Variants in ASTN2 observed in about 807,000 individuals in gnomAD.
ASTN2 encodes astrotactin 2.
A neutral mutation model predicts 139.8 loss-of-function variants in ASTN2; 54 were observed. That is an observed-to-expected ratio of 0.39 (90% CI 0.31 to 0.48). The LOEUF is 0.48. ASTN2 is among the 20% of genes least tolerant of loss of function. The probability of loss-of-function intolerance (pLI) is 0.95; values close to 1 mark genes in which losing one functional copy is unlikely to be tolerated. For synonymous variants in ASTN2, 756 were observed against 719.5 expected (o/e 1.05, Z -0.81); for missense variants, 1,565 against 1,725.1 (o/e 0.91, Z 1.64).
At chr9:116,794,127 C>T (rs1193015842) in intron 13 of ASTN2, among the ~76,000 whole-genome samples, 6 of 113,546 alleles carry the variant, frequency 5.3e-5, no homozygotes, top group East Asian at 3.1e-4. Flanking sequence ...GATGGGGTTT[C>T]ACTCTTGTTG....
At chr9:116,712,345 A>T (rs1293990298) in intron 16 of ASTN2, among the ~76,000 whole-genome samples, 1 of 152,192 alleles carries the variant, frequency 6.6e-6, no homozygotes, top group African/African-American at 2.4e-5. Flanking sequence ...TCTAGCATTT[A>T]CATATTTCAT....
chr9:117,164,840 T>C (rs1382679940), intron 3 of ASTN2, among the ~76,000 whole-genome samples: 2 of 152,124 alleles, frequency 1.3e-5, no homozygotes, highest in African/African-American at 4.8e-5. Flanking sequence ...CAAATGGTGA[T>C]AGCCAAGTTG....
At chr9:116,952,440 G>A (rs1217105913) in intron 10 of ASTN2, among the ~76,000 whole-genome samples, 1 of 152,126 alleles carries the variant, frequency 6.6e-6, no homozygotes, top group Non-Finnish European at 1.5e-5. Flanking sequence ...AAGAAGAAAT[G>A]GCCTCCAGGA....
chr9:117,203,844 G>A (rs183815588), intron 3 of ASTN2, among the ~76,000 whole-genome samples: 1 of 152,326 alleles, frequency 6.6e-6, no homozygotes, highest in East Asian at 1.9e-4. Context: ...GGATGGCATG[G>A]AGAGAAGGGC....
intron 1 of ASTN2, among the ~76,000 whole-genome samples, chr9:117,379,955 A>G (rs1017597503): frequency 1.3e-5 from 2 of 152,184 alleles, no homozygotes; most frequent in African/African-American, 2.4e-5. Flanking sequence ...TACAAAGATC[A>G]ATCTGACAAC....
intron 11 of ASTN2, among the ~76,000 whole-genome samples, chr9:116,856,354 G>T (rs1429585764): frequency 6.6e-6 from 1 of 152,186 alleles, no homozygotes; most frequent in Non-Finnish European, 1.5e-5. Context: ...CAGCTGCACC[G>T]TGTAGGAGGG....
At chr9:116,525,146 C>G (rs780645297) in intron 19 of ASTN2, among the ~76,000 whole-genome samples, 1 of 152,190 alleles carries the variant, frequency 6.6e-6, no homozygotes, top group African/African-American at 2.4e-5. Flanking sequence ...TTATTGGGAA[C>G]TGGAGCAAAG....
In ASTN2 at chr9:117,195,540, G is replaced by C. The variant is rs549332600; in HGVS notation, c.1015+18818C>G. On this transcript the variant is annotated intron_variant, in intron 3 of 22. Coordinates refer to ENST00000313400, the MANE Select transcript of ASTN2 (RefSeq NM_001365068.1). ...GATGAGGTAATTGTGGGGATGTCAGGAAGATTGATGTGGCTTGAAGAGGAA... is the reference window on the plus strand; with the variant it reads ...GATGAGGTAATTGTGGGGATGTCAGCAAGATTGATGTGGCTTGAAGAGGAA... Among the ~76,000 whole-genome samples the C allele has an allele frequency of 1.2e-4, 18 of 152,206 alleles. No individual in the cohort carries two copies. In the East Asian group the frequency reaches 3.3e-3, roughly 28 times the overall value.
rs953225513 is a variant in ASTN2 at position 116,482,365 on chromosome 9, T to C, written c.3497+4994A>G. Among the ~76,000 whole-genome samples the C allele has an allele frequency of 3.3e-5, 5 of 152,034 alleles. No homozygotes were observed. In the South Asian group the frequency reaches 1.0e-3, roughly 32 times the overall value. ...CAAAACAAAAAAACACTACCCTATC[T>C]CTAGGTTTATCATGAGAATTGAATG... On this transcript the variant is annotated intron_variant, in intron 20 of 22. Coordinates refer to ENST00000313400, the MANE Select transcript of ASTN2 (RefSeq NM_001365068.1).
intron 19 of ASTN2, among the ~76,000 whole-genome samples, chr9:116,586,607 A>T (rs1854152873): frequency 6.6e-6 from 1 of 152,068 alleles, no homozygotes; most frequent in Non-Finnish European, 1.5e-5. Context: ...CCATGGGCAT[A>T]AAGATAGCAA....
chr9:116,944,058 C>T (rs546967208), intron 10 of ASTN2, among the ~76,000 whole-genome samples: 6 of 151,856 alleles, frequency 4.0e-5, no homozygotes, highest in Non-Finnish European at 5.9e-5. Context: ...GTACTGTTCT[C>T]GGTGCTTTTA....
At position 116,633,636 on chromosome 9, in the gene ASTN2, CTAAA is replaced by C. The variant is rs1856916637; in HGVS notation, c.3073-13197_3073-13194del. On this transcript the variant is annotated intron_variant, in intron 17 of 22. Transcript: ENST00000313400. ...GCTAGCTTAAGTTAATGGCAAGTTC[CTAAA>C]TAAAGAATTACACAATTTCTCTTCT... Among the ~76,000 whole-genome samples the C allele has an allele frequency of 2.6e-5, 4 of 152,158 alleles. No homozygotes were observed. In the South Asian group the frequency reaches 8.3e-4, roughly 31 times the overall value.
intron 19 of ASTN2, chr9:116,611,769 T>C (rs1855551012): frequency 6.6e-6 from 1 of 152,146 alleles, no homozygotes; most frequent in Non-Finnish European, 1.5e-5. Context: ...AAAAACCTTC[T>C]TGCAAGAAAA....
intron 12 of ASTN2, among the ~76,000 whole-genome samples, chr9:116,815,975 A>G (rs1831317748): frequency 6.6e-6 from 1 of 152,116 alleles, no homozygotes; most frequent in African/African-American, 2.4e-5. Context: ...AAGGACAACT[A>G]TATAATCCAC....
intron 16 of ASTN2, among the ~76,000 whole-genome samples, chr9:116,717,302 T>C (rs1281492537): frequency 6.6e-6 from 1 of 152,134 alleles, no homozygotes. Context: ...ACAAATGCTT[T>C]TTTTTGGTAA....
chr9:117,384,414 G>A (rs1463308986), intron 1 of ASTN2, among the ~76,000 whole-genome samples: 1 of 152,182 alleles, frequency 6.6e-6, no homozygotes, highest in East Asian at 1.9e-4. Flanking sequence ...CAAGCCAGGA[G>A]ATCTTCACTC....
chr9:116,723,047 C>T (rs1828516873), intron 16 of ASTN2, among the ~76,000 whole-genome samples: 1 of 152,026 alleles, frequency 6.6e-6, no homozygotes, highest in Non-Finnish European at 1.5e-5. Flanking sequence ...CGCCTGTAGT[C>T]CCAGCTACTC....
chr9:116,535,656 C>G (rs1431417246), intron 19 of ASTN2, among the ~76,000 whole-genome samples: 2 of 152,068 alleles, frequency 1.3e-5, no homozygotes, highest in Non-Finnish European at 2.9e-5. Context: ...GTGGAAAATT[C>G]TTTTATTTAA....
At chr9:117,299,348 A>C (rs540398192) in intron 1 of ASTN2, among the ~76,000 whole-genome samples, 1 of 152,226 alleles carries the variant, frequency 6.6e-6, no homozygotes, top group Non-Finnish European at 1.5e-5. Context: ...CTCTGTCCTC[A>C]GGAGCTTAGT....
Sources: gnomAD v4.1 joint callset for allele counts (sites outside exome capture counted in the v4.1 genomes callset) on GRCh38, gnomAD v4.1.1 for gene constraint, MANE v1.5 for transcripts, NCBI Gene and HGNC (gene_info 2026-07-23, HGNC 2026-07-21) for gene names.